Variants in CPNE2 observed in about 807,000 individuals in gnomAD.
The protein encoded by CPNE2 is copine-2.
Under a neutral mutation model 69.7 loss-of-function variants are expected in CPNE2, and 42 were observed. That is an observed-to-expected ratio of 0.60 (90% CI 0.47 to 0.78). CPNE2 has a LOEUF of 0.78. CPNE2 is among the 30% of genes least tolerant of loss of function. The pLI is 0.00. For synonymous variants in CPNE2, 294 were observed against 289.8 expected (o/e 1.01, Z -0.15); for missense variants, 587 against 732.0 (o/e 0.80, Z 2.29).
chr16:57,115,752 TC>T (rs1181653238), intron 4 of CPNE2, among the ~76,000 whole-genome samples: 1 of 152,214 alleles, frequency 6.6e-6, no homozygotes, highest in African/African-American at 2.4e-5. Flanking sequence ...TGGGGAGGCC[TC>T]CAGAGCCCTG....
chr16:57,136,570 C>T (rs534643453), intron 13 of CPNE2, among the ~76,000 whole-genome samples: 3 of 152,134 alleles, frequency 2.0e-5, no homozygotes, highest in South Asian at 2.1e-4. Flanking sequence ...CAGACAAAGA[C>T]GTAGCCTCAG....
intron 14 of CPNE2, chr16:57,143,143 T>G (rs1267198312): frequency 6.6e-6 from 1 of 152,246 alleles, no homozygotes; most frequent in African/African-American, 2.4e-5. Flanking sequence ...TGATCTGTCC[T>G]GGGGGTAGGG....
chr16:57,110,224 C>CTTT (rs145923720), intron 1 of CPNE2, among the ~76,000 whole-genome samples: 2,120 of 118,948 alleles, frequency 0.018, 67 homozygotes, highest in African/African-American at 0.061. Context: ...CTTTTCTTTT[C>CTTT]TTTTTTTTTT....
rs770314881 is a variant in CPNE2, at chr16:57,123,485, C to T, written c.927+12C>T. ...AGCTCATGTTCACCGTAAGGCTCTC[C>T]CCGCTGGCTCCCTCTGCACCCCCAT... On this transcript the variant is annotated intron_variant, in intron 10 of 15. Transcript: ENST00000290776. 3 of 1,612,620 alleles carry T rather than the reference C, an allele frequency of 1.9e-6. No individual in the cohort carries two copies. In the South Asian group the frequency reaches 3.3e-5, roughly 18 times the overall value.
intron 14 of CPNE2, chr16:57,144,204 T>TGTGGGATTCA (rs2069941434): frequency 6.6e-6 from 1 of 152,264 alleles, no homozygotes; most frequent in African/African-American, 2.4e-5. Context: ...ACCATCTCCA[T>TGTGGGATTCA]GGCAACAGGT....
intron 6 of CPNE2, 118 bp from the exon 7 acceptor site, chr16:57,119,443 G>T: frequency 1.8e-6 from 2 of 1,128,706 alleles, no homozygotes; most frequent in Non-Finnish European, 2.6e-6. Context: ...GCTCACTTCT[G>T]TCTCTGGAAG....
intron 1 of CPNE2, among the ~76,000 whole-genome samples, chr16:57,107,865 C>CT (rs11347830): frequency 0.036 from 3,514 of 98,702 alleles, 136 homozygotes; most frequent in African/African-American, 0.082. Context: ...ACAGAGCAAT[C>CT]TTTTTTTTTT....
At chr16:57,113,498 G>A (rs749094759) in intron 3 of CPNE2, 31 bp downstream of exon 3, 10 of 1,601,940 alleles carry the variant, frequency 6.2e-6, no homozygotes, top group Non-Finnish European at 2.6e-6. Flanking sequence ...TGGGAGCAGG[G>A]GCCCAAAGAC....
chr16:57,096,078 T>A (rs1198850432), intron 1 of CPNE2, among the ~76,000 whole-genome samples: 1 of 152,248 alleles, frequency 6.6e-6, no homozygotes, highest in African/African-American at 2.4e-5. Context: ...GAGGAATGAC[T>A]GCACCTGCCC....
chr16:57,133,920 G>A (rs1221183178), intron 12 of CPNE2, among the ~76,000 whole-genome samples: 1 of 152,148 alleles, frequency 6.6e-6, no homozygotes, highest in Non-Finnish European at 1.5e-5. Flanking sequence ...AGGGGGCTGA[G>A]GGGGATTTGG....
intron 1 of CPNE2, among the ~76,000 whole-genome samples, chr16:57,106,719 C>T (rs2069650965): frequency 6.6e-6 from 1 of 151,876 alleles, no homozygotes; most frequent in Admixed American, 6.6e-5. Context: ...CTAGAATCCA[C>T]CTCGCCAGCA....
Position 57,121,145 on chromosome 16 carries a change from T to A in CPNE2, c.734T>A (p.Phe245Tyr). 10 of 1,614,006 alleles carry A rather than the reference T, an allele frequency of 6.2e-6. No homozygotes were observed. Among genetic ancestry groups the A allele is most frequent in the Non-Finnish European group, 8.5e-6 (10 of 1,179,970 alleles). The change falls in exon 8 of 16, where the codon TTC becomes TAC. Residue 245 changes from phenylalanine (F) to tyrosine (Y), a missense_variant. Physicochemically the swap from Phe to Tyr is conservative, Grantham distance 22. Transcript: ENST00000290776. ...NDGGHDFIGE[F>Y]QTSVSQMCEA... is the part of the protein sequence containing the mutation. ...GGGGGCCATGACTTCATCGGCGAGTTCCAGACCTCAGTGTCACAGATGTGT... is the reference window on the plus strand; with the variant it reads ...GGGGGCCATGACTTCATCGGCGAGTACCAGACCTCAGTGTCACAGATGTGT...
chr16:57,105,430 G>GTT (rs113892684), intron 1 of CPNE2, among the ~76,000 whole-genome samples: 9 of 142,184 alleles, frequency 6.3e-5, no homozygotes, highest in East Asian at 2.0e-4. Context: ...TATGTGTCCG[G>GTT]TTTTTTTTTT....
At position 57,123,401 on chromosome 16, in the gene CPNE2, C is replaced by A. The variant is rs374283081; in HGVS notation, c.868-13C>A. The A allele has an allele frequency of 3.7e-6, 6 of 1,612,284 alleles. No individual in the cohort carries two copies. Among genetic ancestry groups the A allele is most frequent in the Admixed American group, 1.7e-5 (1 of 60,012 alleles). On this transcript the variant is annotated splice_polypyrimidine_tract_variant and intron_variant, in intron 9 of 15. Transcript: ENST00000290776. The stretch of plus-strand genomic sequence containing the variant: ...AGTCAAGGGGACCCACTGACTCATC[C>A]GCTTTCTTCCAGATAAACCGAGACT...
intron 12 of CPNE2, among the ~76,000 whole-genome samples, chr16:57,129,724 C>T (rs564447292): frequency 6.6e-6 from 1 of 152,284 alleles, no homozygotes; most frequent in African/African-American, 2.4e-5. Context: ...GAGGCTGAAG[C>T]AGGAGAATCA....
rs1369579128 is a variant in CPNE2 at position 57,146,108 on chromosome 16, C to T, written c.1326C>T (p.Ile442=). 6.2e-7 allele frequency: 1 copy of T among 1,603,514 alleles called. No individual in the cohort carries two copies. Among genetic ancestry groups the T allele is most frequent in the Non-Finnish European group, 8.5e-7 (1 of 1,174,606 alleles). ...AGCAGTACTTCATCCTCCTCATCAT[C>T]ACGGACGGGGTCATCAGTGACATGG... The part of the protein sequence containing the change: ...TATQYFILLI[I]TDGVISDMEE... The change falls in exon 15 of 16, where the codon ATC becomes ATT. Residue 442 remains isoleucine (I), a synonymous_variant. Transcript: ENST00000290776. The surrounding 1 kb of genome is among the most constrained non-coding windows in gnomAD (Gnocchi z 4.4).
chr16:57,119,509 A>T (rs553851499), intron 6 of CPNE2, 52 bp from the exon 7 acceptor site: 2 of 1,497,998 alleles, frequency 1.3e-6, no homozygotes, highest in African/African-American at 2.7e-5. Flanking sequence ...ACCCAACCCC[A>T]GAGCACTGCT....
Position 57,115,056 on chromosome 16 carries a change from G to A in CPNE2, c.361-420G>A, listed in dbSNP as rs961000032. 5.9e-5 allele frequency among the ~76,000 whole-genome samples: 9 copies of A among 151,870 alleles called. No homozygotes were observed. The South Asian group carries it at 6.2e-4, about 11-fold the overall frequency. On this transcript the variant is annotated intron_variant, in intron 3 of 15. Coordinates refer to ENST00000290776, the MANE Select transcript of CPNE2 (RefSeq NM_152727.6). ...CAGGAGGTTGAGGCTGCAGTGAGCC[G>A]TGATCGAGACCTGTCTCAAAAGGAA...
At chr16:57,141,548 C>T (rs2069922710) in intron 14 of CPNE2, 1 of 152,308 alleles carries the variant, frequency 6.6e-6, no homozygotes. Context: ...TAAGGCCATT[C>T]TCTACCTCCT....
Sources: allele counts gnomAD v4.1 joint callset (sites outside exome capture counted in the v4.1 genomes callset), GRCh38; gene constraint gnomAD v4.1.1; non-coding constraint Gnocchi (gnomAD v3.1); transcripts MANE v1.5; gene names NCBI Gene and HGNC (gene_info 2026-07-23, HGNC 2026-07-21).